The following CRACD variants were observed in gnomAD, a reference collection of about 807,000 sequenced individuals.
The protein encoded by CRACD is capping protein inhibiting regulator of actin dynamics.
CRACD carries 56 observed loss-of-function variants against 106.8 expected under a neutral mutation model. The ratio of observed to expected loss-of-function variants is 0.52; its 90% CI spans 0.42 to 0.66. The LOEUF (loss-of-function observed/expected upper bound fraction) is 0.66. Ranked by LOEUF, CRACD falls within the 30% of genes least tolerant of loss-of-function variation. The pLI, the probability that CRACD is intolerant of heterozygous loss-of-function variation, is 0.00. For synonymous variants in CRACD, 754 were observed against 670.8 expected (o/e 1.12, Z -1.92); for missense variants, 1,730 against 1,623.2 (o/e 1.07, Z -1.13).
intron 1 of CRACD, among the ~76,000 whole-genome samples, chr4:56,114,883 G>A (rs1441978253): frequency 6.6e-6 from 1 of 152,054 alleles, no homozygotes. Context: ...AAATCTGAAA[G>A]CCATTGTTCT....
intron 2 of CRACD, among the ~76,000 whole-genome samples, chr4:56,201,002 A>T (rs1737856983): frequency 6.6e-6 from 1 of 152,248 alleles, no homozygotes; most frequent in African/African-American, 2.4e-5. Context: ...AGGAGAAAAA[A>T]TACTGATTTC....
chr4:56,217,923 G>C (rs1037122712), intron 2 of CRACD, among the ~76,000 whole-genome samples: 2 of 152,158 alleles, frequency 1.3e-5, no homozygotes, highest in Non-Finnish European at 2.9e-5. Context: ...AGTGTTGGCA[G>C]GGTTGGCTCC....
At chr4:56,140,848 T>TC (rs914334815) in intron 1 of CRACD, among the ~76,000 whole-genome samples, 1 of 152,200 alleles carries the variant, frequency 6.6e-6, no homozygotes, top group African/African-American at 2.4e-5. Context: ...CATAATGCAG[T>TC]CCCAGCAAAA....
intron 2 of CRACD, among the ~76,000 whole-genome samples, chr4:56,191,651 C>T (rs1737372405): frequency 3.9e-5 from 6 of 152,176 alleles, no homozygotes; most frequent in Admixed American, 3.3e-4. Flanking sequence ...TTCTACCTGC[C>T]CCAGGACATG....
chr4:56,191,741 C>A (rs112357827), intron 2 of CRACD, among the ~76,000 whole-genome samples: 1 of 152,170 alleles, frequency 6.6e-6, no homozygotes, highest in Non-Finnish European at 1.5e-5. Flanking sequence ...CCACCATGTA[C>A]GACGTTATTT....
chr4:56,250,980 A>G (rs755395556), intron 2 of CRACD, among the ~76,000 whole-genome samples: 3 of 152,328 alleles, frequency 2.0e-5, no homozygotes, highest in Non-Finnish European at 4.4e-5. Context: ...TCTTTATCCT[A>G]CACAGCTGCT....
rs57635563 is a variant in CRACD at position 56,295,660 on chromosome 4, CATATATAT to C, written c.-16-2509_-16-2502del. 9.8e-3 allele frequency among the ~76,000 whole-genome samples: 1,069 copies of C among 108,694 alleles called. 12 individuals carry two copies. Among genetic ancestry groups the C allele is most frequent in the East Asian group, 0.025 (60 of 2,426 alleles). The allele number at this position is 108,694 out of a possible 152,430, so 71.3% of individuals were successfully genotyped here. ...CACACAACTGTGAGAAATTAGTAAA[CATATATAT>C]ATATATATATATATATATATATATA... On this transcript the variant is annotated intron_variant, in intron 3 of 10. Coordinates refer to ENST00000682029, the MANE Select transcript of CRACD (RefSeq NM_001393381.1).
At chr4:56,118,269 C>T (rs1230538301) in intron 1 of CRACD, among the ~76,000 whole-genome samples, 2 of 152,154 alleles carry the variant, frequency 1.3e-5, no homozygotes, top group East Asian at 1.9e-4. Context: ...CCAAAGGCTC[C>T]GTTTCCCCAC....
At chr4:56,284,532 C>CA (rs1423218626) in intron 3 of CRACD, among the ~76,000 whole-genome samples, 2 of 151,940 alleles carry the variant, frequency 1.3e-5, no homozygotes, top group African/African-American at 4.8e-5. Flanking sequence ...CAAGACTAGC[C>CA]TGGCCAACAT....
At position 56,170,795 on chromosome 4, in the gene CRACD, T is replaced by C. The variant is rs932146497; in HGVS notation, c.-335-8489T>C. ...TCGAGGTTACAGTGATCTGTGATTG[T>C]GCCACTGCACTCCAGACTGAGCAGC... On this transcript the variant is annotated intron_variant, in intron 1 of 10. Coordinates refer to ENST00000682029, the MANE Select transcript of CRACD (RefSeq NM_001393381.1). Among the ~76,000 whole-genome samples, 19 of 152,300 alleles carry C rather than the reference T, an allele frequency of 1.2e-4. No homozygotes were observed. In the South Asian group the frequency reaches 3.5e-3, roughly 28 times the overall value.
intron 2 of CRACD, among the ~76,000 whole-genome samples, chr4:56,207,547 C>T (rs1031092395): frequency 6.6e-6 from 1 of 151,936 alleles, no homozygotes; most frequent in Non-Finnish European, 1.5e-5. Flanking sequence ...TATCTCCCAT[C>T]TATCAAGGCA....
intron 1 of CRACD, among the ~76,000 whole-genome samples, chr4:56,090,322 A>T (rs542744093): frequency 5.3e-5 from 8 of 152,246 alleles, no homozygotes; most frequent in African/African-American, 1.9e-4. Flanking sequence ...ATCTCCTCTT[A>T]TACCCAGGCG....
intron 1 of CRACD, among the ~76,000 whole-genome samples, chr4:56,059,252 A>G (rs1260068570): frequency 1.3e-5 from 2 of 151,590 alleles, no homozygotes; most frequent in East Asian, 3.9e-4. Context: ...GGCCTGGGCA[A>G]CAAGACCAAA....
rs1270342994 is a variant in CRACD, at chr4:56,260,859, TTCTG to T, written c.-188-11458_-188-11455del. 7.2e-5 allele frequency among the ~76,000 whole-genome samples: 11 copies of T among 151,984 alleles called. No homozygotes were observed. In the South Asian group the frequency reaches 8.3e-4, roughly 11 times the overall value. ...CAATATATCATCTGTCTGTCTGTCT[TTCTG>T]TCTATCTGTCTGTCTGTGTATCCAT... On this transcript the variant is annotated intron_variant, in intron 2 of 10. Coordinates refer to ENST00000682029, the MANE Select transcript of CRACD (RefSeq NM_001393381.1).
At chr4:56,075,196 C>A (rs540950857) in intron 1 of CRACD, among the ~76,000 whole-genome samples, 1 of 152,256 alleles carries the variant, frequency 6.6e-6, no homozygotes, top group Non-Finnish European at 1.5e-5. Context: ...TGATGCTGGC[C>A]TCATAAAATG....
chr4:56,086,559 C>T (rs1733225649), intron 1 of CRACD, among the ~76,000 whole-genome samples: 1 of 152,046 alleles, frequency 6.6e-6, no homozygotes, highest in Non-Finnish European at 1.5e-5. Context: ...CCTGAGGTAC[C>T]CCGGACACCT....
intron 8 of CRACD, among the ~76,000 whole-genome samples, chr4:56,322,934 CAGG>C (rs2109796727): frequency 6.6e-6 from 1 of 152,292 alleles, no homozygotes; most frequent in Non-Finnish European, 1.5e-5. Context: ...GAGGCTGAAA[CAGG>C]AGAATTGCCT....
chr4:56,274,965 A>T (rs778182509), intron 3 of CRACD, among the ~76,000 whole-genome samples: 6 of 152,206 alleles, frequency 3.9e-5, no homozygotes, highest in Non-Finnish European at 7.3e-5. Context: ...AAAGAACAAG[A>T]TCATGTGTTT....
At chr4:56,112,531 G>A (rs903723558) in intron 1 of CRACD, among the ~76,000 whole-genome samples, 2 of 152,070 alleles carry the variant, frequency 1.3e-5, no homozygotes, top group Admixed American at 6.5e-5. Flanking sequence ...GGCTAGTTGG[G>A]GGGACCTCTT....
Sources: allele counts gnomAD v4.1 joint callset (sites outside exome capture counted in the v4.1 genomes callset), GRCh38; gene constraint gnomAD v4.1.1; transcripts MANE v1.5; gene names NCBI Gene and HGNC (gene_info 2026-07-23, HGNC 2026-07-21).